The following MYH9 variants were observed in gnomAD, a reference collection of about 807,000 sequenced individuals.
The protein encoded by MYH9 is myosin-9.
A neutral mutation model predicts 241.9 loss-of-function variants in MYH9; 29 were observed. That is an observed-to-expected ratio of 0.12 (90% CI 0.09 to 0.16). The LOEUF (loss-of-function observed/expected upper bound fraction) is 0.16, where lower values mean the gene tolerates loss of function less well. MYH9 is among the 10% of genes least tolerant of loss of function. The pLI, the probability that MYH9 is intolerant of heterozygous loss-of-function variation, is 1.00. For missense variants in MYH9, 1,803 were observed against 2,595.5 expected (o/e 0.69, Z 6.63); for synonymous variants, 1,047 against 1,062.6 (o/e 0.99, Z 0.29).
At chr22:36,291,304 CA>C (rs1202675949) in intron 31 of MYH9, among the ~76,000 whole-genome samples, 4 of 152,214 alleles carry the variant, frequency 2.6e-5, no homozygotes, top group African/African-American at 7.2e-5. Flanking sequence ...AAGAAGTATA[CA>C]TGGGAGACTT....
rs1556642437 is a variant in MYH9 at position 36,348,841 on chromosome 22, G to GCA, written c.333+62_333+63insTG. The GCA allele has an allele frequency of 2.2e-5, 23 of 1,044,772 alleles. No individual in the cohort carries two copies. The East Asian group carries it at 1.2e-3, about 55-fold the overall frequency. 64.7% of individuals were successfully genotyped at this position (1,044,772 alleles called of 1,614,324 possible). A position where few individuals can be genotyped will look rare whatever the true frequency, so the allele number is the denominator to read the frequency against. ...GCACGTGAGGGTGATGGGAAGACCC[G>GCA]CCCCCCCCCCCCACCTCGGAGCCCT... is the stretch of plus-strand genomic sequence containing the variant. On this transcript the variant is annotated intron_variant, in intron 2 of 40. Transcript: ENST00000216181.
chr22:36,374,577 A>G (rs1284643045), intron 1 of MYH9, among the ~76,000 whole-genome samples: 1 of 152,234 alleles, frequency 6.6e-6, no homozygotes, highest in South Asian at 2.1e-4. Context: ...GTCTCTCTCA[A>G]TATTCCATGA....
chr22:36,327,607 G>A (rs2017356309), intron 3 of MYH9, 119 bp from the exon 4 acceptor site: 9 of 1,215,080 alleles, frequency 7.4e-6, no homozygotes, highest in Admixed American at 1.8e-5. Flanking sequence ...CTGTCTTTGT[G>A]GGGATCTCGC....
intron 5 of MYH9, among the ~76,000 whole-genome samples, chr22:36,324,656 G>A (rs1326072664): frequency 6.6e-6 from 1 of 152,278 alleles, no homozygotes; most frequent in Non-Finnish European, 1.5e-5. Context: ...AGGGTGTTCT[G>A]TGCTCCGGCA....
chr22:36,298,863 C>T (rs982437581), intron 24 of MYH9, 56 bp downstream of exon 24: 30 of 1,606,742 alleles, frequency 1.9e-5, no homozygotes, highest in Non-Finnish European at 2.4e-5. Flanking sequence ...GGCCCCTGAC[C>T]GCCAGCCCTT....
rs781771309 is a variant in MYH9 at position 36,348,948 on chromosome 22, C to T, written c.289G>A (p.Val97Met). Reference protein sequence around the residue: ...AELTCLNEASVLHNLKERYYS... With the variant: ...AELTCLNEASMLHNLKERYYS... ...TAACGCTCCTTGAGGTTGTGCAGCA[C>T]CGAGGCTTCGTTGAGGCACGTGAGC... is the stretch of plus-strand genomic sequence containing the variant. The change falls in exon 2 of 41, where the codon GTG becomes ATG. Residue 97 changes from valine (V) to methionine (M), a missense_variant. Physicochemically the swap from Val to Met is conservative, Grantham distance 21. Transcript: ENST00000216181. 6.2e-7 allele frequency: 1 copy of T among 1,613,994 alleles called. No individual in the cohort carries two copies. The highest frequency in any genetic ancestry group is 1.1e-5 in the South Asian group (1 of 91,076).
chr22:36,284,532 C>T (rs777350144), intron 38 of MYH9, 21 bp from the exon 39 acceptor site: 2 of 1,609,260 alleles, frequency 1.2e-6, no homozygotes, highest in South Asian at 2.2e-5. Context: ...GACAAGGTGG[C>T]TCAGAGGGAA....
Position 36,293,732 on chromosome 22 carries a change from C to T in MYH9, c.3942+27G>A, listed in dbSNP as rs374232163. On this transcript the variant is annotated intron_variant, in intron 29 of 40. Transcript: ENST00000216181. The surrounding 1 kb of genome is among the most constrained non-coding windows in gnomAD (Gnocchi z 5.1). ...CAGAGGCCTTTCTGGAGGGGTCCACCTTCTGGGAACCTGGCGCCACCCCTA... is the reference window on the plus strand; with the variant it reads ...CAGAGGCCTTTCTGGAGGGGTCCACTTTCTGGGAACCTGGCGCCACCCCTA... The T allele has an allele frequency of 3.7e-6, 6 of 1,605,204 alleles. No individual in the cohort carries two copies. Among genetic ancestry groups the T allele is most frequent in the Non-Finnish European group, 4.3e-6 (5 of 1,173,544 alleles).
Position 36,292,081 on chromosome 22 carries a change from G to C in MYH9, c.4249C>G (p.Arg1417Gly). The C allele has an allele frequency of 1.9e-6, 3 of 1,614,150 alleles. No individual in the cohort carries two copies. The highest frequency in any genetic ancestry group is 2.5e-6 in the Non-Finnish European group (3 of 1,180,048). The change falls in exon 31 of 41, where the codon CGG becomes GGG. Residue 1417 changes from arginine (R) to glycine (G), a missense_variant. By Grantham distance (125) the Arg-to-Gly change is moderately radical. Transcript: ENST00000216181. ...AYDKLEKTKT[R>G]LQQELDDLLV... Reference sequence around the variant, plus strand: ...AGGTCGTCCAGCTCCTGCTGCAGCCGCGTCTTGGTCTTCTCCAGCTTGTCG... The same window carrying C: ...AGGTCGTCCAGCTCCTGCTGCAGCCCCGTCTTGGTCTTCTCCAGCTTGTCG...
chr22:36,354,968 C>CACACACACACACAT (rs1289606328), intron 1 of MYH9, among the ~76,000 whole-genome samples: 15 of 148,174 alleles, frequency 1.0e-4, no homozygotes, highest in African/African-American at 3.7e-4. Context: ...CACACACACA[C>CACACACACACACAT]ACACACACAC....
At chr22:36,284,987 C>T (rs1397036515) in intron 38 of MYH9, 134 bp downstream of exon 38, 3 of 805,444 alleles carry the variant, frequency 3.7e-6, no homozygotes, top group Non-Finnish European at 6.0e-6. Flanking sequence ...GATGAGGGCC[C>T]CATCAGGAGG....
Position 36,306,380 on chromosome 22 carries a change from G to A in MYH9, c.2037+34C>T. The A allele has an allele frequency of 6.2e-7, 1 of 1,612,658 alleles. No homozygotes were observed. On this transcript the variant is annotated intron_variant, in intron 16 of 40. Coordinates refer to ENST00000216181, the MANE Select transcript of MYH9 (RefSeq NM_002473.6). This position sits in a 1 kb window ranked among gnomAD's most constrained non-coding sequence, Gnocchi z 4.1. Reference sequence around the variant, plus strand: ...AGGGCTGAGCACCCCACACCACAGTGCCCTGCCCGGGCCACCCCACCAGGC... The same window carrying A: ...AGGGCTGAGCACCCCACACCACAGTACCCTGCCCGGGCCACCCCACCAGGC...
chr22:36,313,252 A>G (rs2017094871), intron 13 of MYH9, among the ~76,000 whole-genome samples: 1 of 151,850 alleles, frequency 6.6e-6, no homozygotes, highest in African/African-American at 2.4e-5. Flanking sequence ...TCATGAGGTC[A>G]GGAGATTGAG....
At position 36,374,825 on chromosome 22, in the gene MYH9, C is replaced by T. The variant is rs1002507460; in HGVS notation, c.-20+12982G>A. ...AACGTTTCACCAGCCCCAGGTGACT[C>T]ACAGGGCCTTCACCAACCTGAATCA... is the stretch of plus-strand genomic sequence containing the variant. On this transcript the variant is annotated intron_variant, in intron 1 of 40. Coordinates refer to ENST00000216181, the MANE Select transcript of MYH9 (RefSeq NM_002473.6). Among the ~76,000 whole-genome samples, 4 of 152,182 alleles carry T rather than the reference C, an allele frequency of 2.6e-5. No homozygotes were observed. The East Asian group carries it at 7.7e-4, about 29-fold the overall frequency.
chr22:36,311,358 T>A (rs2157255), intron 14 of MYH9, among the ~76,000 whole-genome samples: 79,949 of 151,628 alleles, frequency 0.53, 23,712 homozygotes, highest in Non-Finnish European at 0.68. Flanking sequence ...CAGTGGCAAT[T>A]CCCCGCACCT....
Position 36,305,172 on chromosome 22 carries a change from A to G in MYH9, c.2160-70T>C, listed in dbSNP as rs2016949080. 4 of 1,268,610 alleles carry G rather than the reference A, an allele frequency of 3.2e-6. No individual in the cohort carries two copies. Among genetic ancestry groups the G allele is most frequent in the Non-Finnish European group, 4.6e-6 (4 of 866,718 alleles). The allele number at this position is 1,268,610 out of a possible 1,614,324, so 78.6% of individuals were successfully genotyped here. ...ATTCCACATGCCTGGAATATAGGCGAGAGATTAACATCATTTCTACAATGC... is the reference window on the plus strand; with the variant it reads ...ATTCCACATGCCTGGAATATAGGCGGGAGATTAACATCATTTCTACAATGC... On this transcript the variant is annotated intron_variant, in intron 17 of 40. Transcript: ENST00000216181. This position sits in a 1 kb window ranked among gnomAD's most constrained non-coding sequence, Gnocchi z 4.7.
chr22:36,344,579 A>G (rs1019253854), intron 2 of MYH9, among the ~76,000 whole-genome samples: 4 of 152,236 alleles, frequency 2.6e-5, no homozygotes, highest in African/African-American at 9.6e-5. Flanking sequence ...CTTAGTGATG[A>G]TGCTTAGAAG....
At chr22:36,380,346 GTGT>G (rs1196239291) in intron 1 of MYH9, among the ~76,000 whole-genome samples, 1 of 152,170 alleles carries the variant, frequency 6.6e-6, no homozygotes, top group Non-Finnish European at 1.5e-5. Context: ...GGCTTTTCCA[GTGT>G]TGTTATACAT....
chr22:36,338,730 G>C (rs1322815475), intron 3 of MYH9, among the ~76,000 whole-genome samples: 2 of 151,526 alleles, frequency 1.3e-5, no homozygotes, highest in Admixed American at 6.6e-5. Flanking sequence ...TGAGGCAGGA[G>C]AATTGCTTGA....
Sources: allele counts gnomAD v4.1 joint callset (sites outside exome capture counted in the v4.1 genomes callset), GRCh38; gene constraint gnomAD v4.1.1; non-coding constraint Gnocchi (gnomAD v3.1); transcripts MANE v1.5; gene names NCBI Gene and HGNC (gene_info 2026-07-23, HGNC 2026-07-21).